Variants in RARS2 observed in about 807,000 individuals in gnomAD.
RARS2 encodes the protein arginyl-tRNA synthetase 2, mitochondrial, also known as probable arginine--tRNA ligase, mitochondrial.
RARS2 carries 67 observed loss-of-function variants against 88.5 expected under a neutral mutation model. The ratio of observed to expected loss-of-function variants is 0.76; its 90% confidence interval spans 0.62 to 0.93. The LOEUF (loss-of-function observed/expected upper bound fraction) is 0.93. RARS2 is among the 40% of genes least tolerant of loss of function. The pLI is 0.00. For missense variants in RARS2, 664 were observed against 684.2 expected, an observed-to-expected ratio of 0.97 and a Z score of 0.33; for synonymous variants, 239 against 230.3, an observed-to-expected ratio of 1.04 and a Z score of -0.34.
intron 8 of RARS2, among the ~76,000 whole-genome samples, chr6:87,541,696 C>A (rs1036653199): frequency 5.9e-5 from 9 of 152,004 alleles, no homozygotes; most frequent in African/African-American, 2.2e-4. Flanking sequence ...TGGTGGCATA[C>A]GCCTGTAGTC....
intron 1 of RARS2, among the ~76,000 whole-genome samples, chr6:87,573,574 G>A (rs1456155074): frequency 1.9e-4 from 29 of 152,256 alleles, no homozygotes; most frequent in South Asian, 2.1e-4. Flanking sequence ...AAACTGTTCC[G>A]CAGACGGATG....
chr6:87,586,849 G>C (rs1287582943), intron 1 of RARS2, among the ~76,000 whole-genome samples: 1 of 151,854 alleles, frequency 6.6e-6, no homozygotes, highest in Non-Finnish European at 1.5e-5. Flanking sequence ...CTTACCTGTT[G>C]AGCATCCCTA....
chr6:87,523,580 GA>G, intron 11 of RARS2, among the ~76,000 whole-genome samples: 1 of 152,250 alleles, frequency 6.6e-6, no homozygotes, highest in South Asian at 2.1e-4. Context: ...ATGACAGCCT[GA>G]AAAAACACCA....
intron 2 of RARS2, among the ~76,000 whole-genome samples, chr6:87,567,974 T>C (rs1460468582): frequency 1.3e-5 from 2 of 152,292 alleles, no homozygotes; most frequent in South Asian, 2.1e-4. Flanking sequence ...GGTTTCACCA[T>C]GTTAGCCAGG....
At chr6:87,535,199 T>G (rs1778751889) in intron 8 of RARS2, among the ~76,000 whole-genome samples, 1 of 152,204 alleles carries the variant, frequency 6.6e-6, no homozygotes, top group African/African-American at 2.4e-5. Context: ...GAAATGTAAC[T>G]TAAAACAATG....
intron 1 of RARS2, among the ~76,000 whole-genome samples, chr6:87,573,579 C>T (rs969037080): frequency 3.9e-5 from 6 of 152,052 alleles, no homozygotes; most frequent in Admixed American, 6.5e-5. Flanking sequence ...GTTCCGCAGA[C>T]GGATGGTGGT....
Position 87,520,236 on chromosome 6 carries a change from C to CT in RARS2, c.1055dup (p.His353AlafsTer15), listed in dbSNP as rs756696262. On this transcript the variant is annotated frameshift_variant, in exon 13 of 20. Transcript: ENST00000369536. LOFTEE classifies it high-confidence loss of function. ...GCATTTGGAATACTTGCTGAAAATG[C>CT]TTTTTTTGTCCTTTATCTGTCTTGG... 1 of 1,611,882 alleles carries CT rather than the reference C, an allele frequency of 6.2e-7. No individual in the cohort carries two copies. Among genetic ancestry groups the CT allele is most frequent in the South Asian group, 1.1e-5 (1 of 91,018 alleles).
rs1329636264 is a variant in RARS2, at chr6:87,520,061, T to A, written c.1112+119A>T. On this transcript the variant is annotated intron_variant, in intron 13 of 19. Transcript: ENST00000369536. ...ACATAATACAAAAATCAAATCTACC[T>A]TTCCACACCAGTATCTTGAAACAAA... 6 of 882,632 alleles carry A rather than the reference T, an allele frequency of 6.8e-6. No individual in the cohort carries two copies. In the Admixed American group the frequency reaches 7.5e-5, roughly 11 times the overall value. The allele number at this position is 882,632 out of a possible 1,614,324, so 54.7% of individuals were successfully genotyped here. A position where few individuals can be genotyped will look rare whatever the true frequency, so the allele number is the denominator to read the frequency against.
At chr6:87,515,958 G>GAAAAAAAAAAAAAAAAAAAAAAAA (rs10605334) in intron 18 of RARS2, 1 of 131,582 alleles carries the variant, frequency 7.6e-6, no homozygotes, top group Non-Finnish European at 1.7e-5. Flanking sequence ...TCAAAAAAAA[G>GAAAAAAAAAAAAAAAAAAAAAAAA]AAAAAAAAAA....
At chr6:87,541,842 C>A in intron 8 of RARS2, 76 bp downstream of exon 8, 1 of 1,154,224 alleles carries the variant, frequency 8.7e-7, no homozygotes. Flanking sequence ...GAAAAATAAA[C>A]CTCTGGGATT....
intron 8 of RARS2, among the ~76,000 whole-genome samples, chr6:87,541,022 C>G (rs62417675): frequency 0.036 from 5,255 of 144,376 alleles, 112 homozygotes; most frequent in Middle Eastern, 0.055. Flanking sequence ...TACATATTAA[C>G]TGACAGAAAA....
At chr6:87,559,661 A>C (rs1428319118) in intron 4 of RARS2, among the ~76,000 whole-genome samples, 1 of 152,142 alleles carries the variant, frequency 6.6e-6, no homozygotes, top group East Asian at 1.9e-4. Context: ...CCAGGCAAGA[A>C]AAATATTTTT....
chr6:87,548,880 T>C (rs1783460117), intron 5 of RARS2, among the ~76,000 whole-genome samples: 1 of 152,208 alleles, frequency 6.6e-6, no homozygotes, highest in Admixed American at 6.5e-5. Flanking sequence ...ACGTAAGTGG[T>C]ATCTGCTAGT....
At chr6:87,542,115 T>C (rs1781188750) in intron 7 of RARS2, 121 bp from the exon 8 acceptor site, 2 of 743,136 alleles carry the variant, frequency 2.7e-6, no homozygotes, top group Admixed American at 2.1e-5. Context: ...CTGAGAAGTA[T>C]TACAAAACAC....
At chr6:87,539,058 G>GAATAAATAAATAAATAAATAAATAAATA (rs71018032) in intron 8 of RARS2, among the ~76,000 whole-genome samples, 3 of 150,442 alleles carry the variant, frequency 2.0e-5, no homozygotes, top group African/African-American at 7.4e-5. Context: ...ATAAATAAAT[G>GAATAAATAAATAAATAAATAAATAAATA]AATAAATAAA....
At chr6:87,546,728 C>G (rs1045378421) in intron 6 of RARS2, among the ~76,000 whole-genome samples, 1 of 152,174 alleles carries the variant, frequency 6.6e-6, no homozygotes, top group Non-Finnish European at 1.5e-5. Flanking sequence ...TACAATAAAT[C>G]CTCTTCTGCC....
chr6:87,518,019 T>C, intron 17 of RARS2, 150 bp downstream of exon 17: 1 of 1,456,116 alleles, frequency 6.9e-7, no homozygotes, highest in East Asian at 2.3e-5. Flanking sequence ...GTCCTCAAAA[T>C]GCAAATAATC....
intron 8 of RARS2, among the ~76,000 whole-genome samples, chr6:87,532,590 A>C (rs969488545): frequency 2.6e-5 from 4 of 152,150 alleles, no homozygotes; most frequent in Non-Finnish European, 4.4e-5. Flanking sequence ...CCACTGGGAA[A>C]ATTTGGGAGT....
intron 2 of RARS2, 42 bp downstream of exon 2, chr6:87,569,471 AAGTC>A: frequency 6.8e-7 from 1 of 1,472,078 alleles, no homozygotes; most frequent in Non-Finnish European, 9.5e-7. Flanking sequence ...TGTATCAACA[AAGTC>A]AGCAACATTT....
Sources: allele counts gnomAD v4.1 joint callset (sites outside exome capture counted in the v4.1 genomes callset), GRCh38; gene constraint gnomAD v4.1.1; transcripts MANE v1.5; gene names NCBI Gene and HGNC (gene_info 2026-07-23, HGNC 2026-07-21).